The following TMF1 variants were observed in gnomAD, a reference collection of about 807,000 sequenced individuals.
The protein encoded by TMF1 is TATA element modulatory factor 1, also known as TATA element modulatory factor.
Under a neutral mutation model 126.5 loss-of-function variants are expected in TMF1, and 71 were observed. The ratio of observed to expected loss-of-function variants is 0.56; its 90% CI spans 0.46 to 0.68. The LOEUF (loss-of-function observed/expected upper bound fraction) is 0.68, where lower values mean the gene tolerates loss of function less well. TMF1 is among the 30% of genes least tolerant of loss of function. The probability of loss-of-function intolerance (pLI) is 0.00; values close to 1 mark genes in which losing one functional copy is unlikely to be tolerated. For synonymous variants in TMF1, 461 were observed against 430.5 expected, an observed-to-expected ratio of 1.07 and a Z score of -0.88; for missense variants, 1,259 against 1,253.2, an observed-to-expected ratio of 1.00 and a Z score of -0.07.
chr3:69,030,804 G>A (rs1235902766), intron 10 of TMF1: 1 of 152,190 alleles, frequency 6.6e-6, no homozygotes, highest in East Asian at 1.9e-4. Flanking sequence ...GCAAGGGTGT[G>A]AAGAAACCAC....
At chr3:69,040,234 A>G (rs939547757) in intron 5 of TMF1, 4 of 152,858 alleles carry the variant, frequency 2.6e-5, no homozygotes, top group Middle Eastern at 3.4e-3. Flanking sequence ...CTAAAAGGAC[A>G]TAACAATCAA....
intron 6 of TMF1, 60 bp downstream of exon 6, chr3:69,039,491 C>T: frequency 1.3e-6 from 2 of 1,541,412 alleles, no homozygotes; most frequent in East Asian, 4.6e-5. Flanking sequence ...TAACCATGGC[C>T]AACTGTTCAT....
Position 69,023,267 on chromosome 3 carries a change from T to G in TMF1, c.3192A>C (p.Glu1064Asp). 1.2e-6 allele frequency: 2 copies of G among 1,612,402 alleles called. No homozygotes were observed. The highest frequency in any genetic ancestry group is 1.7e-6 in the Non-Finnish European group (2 of 1,179,014). ...GATCTAATCGAAGTTCTTCTGCCTC[T>G]TCTGCTTTTTCTCCATACATCTGCA... is the stretch of plus-strand genomic sequence containing the variant. ...TILQMYGEKAEEAEELRLDLE... is the reference protein window; with the variant it reads ...TILQMYGEKADEAEELRLDLE... The change falls in exon 17 of 17, where the codon GAA becomes GAC. Residue 1064 changes from glutamate (E) to aspartate (D), a missense_variant. By Grantham distance (45) the Glu-to-Asp change is conservative. Transcript: ENST00000398559.
chr3:69,046,353 T>C (rs2091895986), intron 2 of TMF1, among the ~76,000 whole-genome samples: 1 of 152,146 alleles, frequency 6.6e-6, no homozygotes, highest in Admixed American at 6.5e-5. Flanking sequence ...CTTACCTTCT[T>C]AAATACACTG....
chr3:69,047,805 A>G lies in TMF1; in HGVS notation c.900T>C (p.Ala300=), dbSNP rs1412072399. The stretch of plus-strand genomic sequence containing the variant: ...CATCTAAACGATTATATTCAGGACA[A>G]GCAGATGCAGAGAGAAGCTGAAAAG... The part of the protein sequence containing the change: ...QTSFQLLSAS[A]CPEYNRLDDF... Residue 300 remains alanine (A), a synonymous_variant, in exon 2 of 17, where the codon GCT becomes GCC. Transcript: ENST00000398559. 6.2e-7 allele frequency: 1 copy of G among 1,614,002 alleles called. No homozygotes were observed. Among genetic ancestry groups the G allele is most frequent in the East Asian group, 2.2e-5 (1 of 44,870 alleles).
chr3:69,030,444 C>T (rs552777040), intron 10 of TMF1: 56 of 152,878 alleles, frequency 3.7e-4, no homozygotes, highest in East Asian at 3.5e-3. Context: ...GCAGATTTGA[C>T]ACAAAAAGCA....
chr3:69,037,052 T>C (rs2091835787), intron 8 of TMF1, among the ~76,000 whole-genome samples: 1 of 152,002 alleles, frequency 6.6e-6, no homozygotes, highest in Non-Finnish European at 1.5e-5. Flanking sequence ...ATGCAGATTA[T>C]ACAAAGAACT....
chr3:69,031,810 G>A (rs543900149), intron 10 of TMF1, among the ~76,000 whole-genome samples: 2 of 152,156 alleles, frequency 1.3e-5, no homozygotes, highest in African/African-American at 4.8e-5. Context: ...TTTGTCCTGT[G>A]GCTTTGCCTA....
rs1158522117 is a variant in TMF1, at chr3:69,021,266, TCTATACTATC to T, written c.*1901_*1910del. 1 of 152,630 alleles carries T rather than the reference TCTATACTATC, an allele frequency of 6.6e-6. No individual in the cohort carries two copies. The highest frequency in any genetic ancestry group is 1.5e-5 in the Non-Finnish European group (1 of 68,048). The allele number at this position is 152,630 out of a possible 1,614,324, so 9.5% of individuals were successfully genotyped here. ...TAGGAAAAAACAGTGTATAGAGGTG[TCTATACTATC>T]CATGGTTTCAGACGTTCACTGGGGG... On this transcript the variant is annotated 3_prime_UTR_variant, in exon 17 of 17. Transcript: ENST00000398559.
At position 69,029,902 on chromosome 3, in the gene TMF1, G is replaced by A; in HGVS notation, c.2507C>T (p.Ser836Phe). ...IQMSSMESQNSLLRQENSRFQ... is the reference protein window; with the variant it reads ...IQMSSMESQNFLLRQENSRFQ... ...TCTACTGTTTTCCTGTCTTAAAAGA[G>A]AATTCTGTGACTCCATGGAAGACAT... The change falls in exon 11 of 17, where the codon TCT becomes TTT. Residue 836 changes from serine to phenylalanine, a missense_variant. Ser to Phe is a radical substitution (Grantham distance 155, BLOSUM62 -2). Transcript: ENST00000398559. 1 of 1,614,094 alleles carries A rather than the reference G, an allele frequency of 6.2e-7. No homozygotes were observed. Among genetic ancestry groups the A allele is most frequent in the Middle Eastern group, 1.6e-4 (1 of 6,062 alleles).
chr3:69,025,197 C>A (rs968419888), intron 15 of TMF1: 1 of 177,876 alleles, frequency 5.6e-6, no homozygotes, highest in Non-Finnish European at 1.2e-5. Context: ...AGCTCAGTGA[C>A]TTCCCTTTAT....
chr3:69,048,581 T>C lies in TMF1; in HGVS notation c.143-19A>G. 6.5e-7 allele frequency: 1 copy of C among 1,544,578 alleles called. No individual in the cohort carries two copies. On this transcript the variant is annotated intron_variant, in intron 1 of 16. Coordinates refer to ENST00000398559, the MANE Select transcript of TMF1 (RefSeq NM_007114.3). ...CTTATTCCTTTAACAAAAAAGTAAA[T>C]ATTAAAAAAGAACACATATATGTTA...
chr3:69,023,054 A>G lies in TMF1; in HGVS notation c.*123T>C, dbSNP rs2091748051. The G allele has an allele frequency of 1.1e-6, 1 of 890,928 alleles. No homozygotes were observed. Among genetic ancestry groups the G allele is most frequent in the African/African-American group, 1.7e-5 (1 of 58,282 alleles). 55.2% of individuals were successfully genotyped at this position (890,928 alleles called of 1,614,324 possible). The stretch of plus-strand genomic sequence containing the variant: ...CATAGTGTAAAACAATTTTAAAAAA[A>G]TTTTTACACTCTACAGTAAATCCCA... On this transcript the variant is annotated 3_prime_UTR_variant, in exon 17 of 17. Transcript: ENST00000398559.
rs562991853 is a variant in TMF1 at position 69,047,287 on chromosome 3, G to A, written c.1347+71C>T. On this transcript the variant is annotated intron_variant, in intron 2 of 16. Coordinates refer to ENST00000398559, the MANE Select transcript of TMF1 (RefSeq NM_007114.3). ...TATAAATTATTATGCATCAATGAAA[G>A]TATTTTTTAAAACAAATGATTTAAT... is the stretch of plus-strand genomic sequence containing the variant. 1.8e-5 allele frequency: 27 copies of A among 1,472,296 alleles called. No homozygotes were observed. In the African/African-American group the frequency reaches 3.7e-4, roughly 20 times the overall value. The allele number at this position is 1,472,296 out of a possible 1,614,324, so 91.2% of individuals were successfully genotyped here. A position where few individuals can be genotyped will look rare whatever the true frequency, so the allele number is the denominator to read the frequency against.
rs1315316126 is a variant in TMF1 at position 69,048,484 on chromosome 3, G to A, written c.221C>T (p.Pro74Leu). Residue 74 changes from proline (P) to leucine (L), a missense_variant, in exon 2 of 17, where the codon CCA (proline) becomes CTA (leucine). Coordinates refer to ENST00000398559, the MANE Select transcript of TMF1 (RefSeq NM_007114.3). The part of the protein sequence containing the change: ...LKSNTEPQSP[P>L]IASPKAITKP... Reference sequence around the variant, plus strand: ...TGTGATTGCTTTAGGAGAGGCTATTGGTGGACTCTGAGGTTCAGTGTTTGA... The same window carrying A: ...TGTGATTGCTTTAGGAGAGGCTATTAGTGGACTCTGAGGTTCAGTGTTTGA... 4 of 1,614,048 alleles carry A rather than the reference G, an allele frequency of 2.5e-6. No individual in the cohort carries two copies. Among genetic ancestry groups the A allele is most frequent in the Non-Finnish European group, 3.4e-6 (4 of 1,180,006 alleles).
intron 10 of TMF1, chr3:69,030,553 T>C (rs1286214904): frequency 6.6e-6 from 1 of 152,056 alleles, no homozygotes; most frequent in Non-Finnish European, 1.5e-5. Context: ...TGAGAGCAAA[T>C]AAATGCAAAC....
At chr3:69,038,428 A>G (rs2091844647) in intron 8 of TMF1, 136 bp downstream of exon 8, 3 of 979,914 alleles carry the variant, frequency 3.1e-6, no homozygotes, top group Non-Finnish European at 4.4e-6. Context: ...AACTGGTTAA[A>G]TTTAGCAGAA....
At position 69,021,067 on chromosome 3, in the gene TMF1, G is replaced by A. The variant is rs991990948; in HGVS notation, c.*2110C>T. On this transcript the variant is annotated 3_prime_UTR_variant, in exon 17 of 17. Transcript: ENST00000398559. ...TTTCGGTTACTCACGGTCAACCACA[G>A]TCTGATTACAGGTGAGTACAGTACA... 2.6e-5 allele frequency: 4 copies of A among 152,216 alleles called. No homozygotes were observed. Among genetic ancestry groups the A allele is most frequent in the African/African-American group, 9.7e-5 (4 of 41,450 alleles). 9.4% of individuals were successfully genotyped at this position (152,216 alleles called of 1,614,324 possible).
At chr3:69,042,960 TA>T in intron 4 of TMF1, 48 bp from the exon 5 acceptor site, 2 of 1,305,402 alleles carry the variant, frequency 1.5e-6, no homozygotes, top group East Asian at 4.6e-5. Context: ...ACTTTCACTC[TA>T]AGTACAGTTC....
Sources: allele counts gnomAD v4.1 joint callset (sites outside exome capture counted in the v4.1 genomes callset), GRCh38; gene constraint gnomAD v4.1.1; transcripts MANE v1.5; gene names NCBI Gene and HGNC (gene_info 2026-07-23, HGNC 2026-07-21).